Variants in NDUFA8 observed in about 807,000 individuals in gnomAD.
NDUFA8 encodes NADH:ubiquinone oxidoreductase subunit A8.
A neutral mutation model predicts 20.9 loss-of-function variants in NDUFA8; 16 were observed. The observed-to-expected ratio is 0.77, with a 90% CI of 0.52 to 1.16. The LOEUF is 1.16. Ranked by LOEUF, NDUFA8 falls within the 50% of genes most tolerant of loss-of-function variation. The probability of loss-of-function intolerance (pLI) is 0.00; values close to 1 mark genes in which losing one functional copy is unlikely to be tolerated. For synonymous variants in NDUFA8, 70 were observed against 76.1 expected (o/e 0.92, Z 0.41); for missense variants, 202 against 216.4 (o/e 0.93, Z 0.42).
chr9:122,142,033 G>C (rs1032539710), downstream of NDUFA8, among the ~76,000 whole-genome samples: 1 of 152,172 alleles, frequency 6.6e-6, no homozygotes, highest in Non-Finnish European at 1.5e-5. Flanking sequence ...CATTTGGGGA[G>C]TGAACAGTGC....
the NDUFA8 span, among the ~76,000 whole-genome samples, chr9:122,135,502 C>T: frequency 2.0e-5 from 3 of 152,316 alleles, no homozygotes; most frequent in South Asian, 4.1e-4. Flanking sequence ...CTCATGCTTC[C>T]ATTACCAATC....
chr9:122,159,454 G>C (rs372124106), intron 1 of NDUFA8, among the ~76,000 whole-genome samples, 173 bp downstream of exon 1: 4 of 152,234 alleles, frequency 2.6e-5, no homozygotes, highest in Middle Eastern at 3.4e-3. Context: ...GTAGAGAGGG[G>C]AGGCGACTCC....
chr9:122,148,473 T>G (rs939902888), intron 2 of NDUFA8, among the ~76,000 whole-genome samples, 196 bp from the exon 3 acceptor site: 1 of 152,180 alleles, frequency 6.6e-6, no homozygotes, highest in African/African-American at 2.4e-5. Flanking sequence ...AAAAGATTTC[T>G]GAGGTAGAAA....
chr9:122,136,333 A>G, the NDUFA8 span, among the ~76,000 whole-genome samples: 1 of 152,256 alleles, frequency 6.6e-6, no homozygotes, highest in Admixed American at 6.5e-5. Flanking sequence ...TATCAATACA[A>G]CAATTTATAC....
downstream of NDUFA8, among the ~76,000 whole-genome samples, chr9:122,141,141 T>C (rs1051240841): frequency 1.3e-5 from 2 of 152,142 alleles, no homozygotes; most frequent in South Asian, 2.1e-4. Flanking sequence ...TCTTGATGAA[T>C]AGCATGCTGT....
chr9:122,159,462 TC>T (rs1829143186), intron 1 of NDUFA8, among the ~76,000 whole-genome samples, 164 bp downstream of exon 1: 1 of 151,412 alleles, frequency 6.6e-6, no homozygotes, highest in Admixed American at 6.6e-5. Context: ...GGGAGGCGAC[TC>T]CCAAAGCTGC....
intron 3 of NDUFA8, 148 bp from the exon 4 acceptor site, chr9:122,144,526 AT>A: frequency 1.3e-6 from 1 of 797,696 alleles, no homozygotes. Context: ...ATTCAGACGT[AT>A]TTAATCATTG....
At chr9:122,157,152 C>T (rs534246317) in intron 1 of NDUFA8, among the ~76,000 whole-genome samples, 1 of 152,188 alleles carries the variant, frequency 6.6e-6, no homozygotes, top group Non-Finnish European at 1.5e-5. Context: ...ACACTGAACT[C>T]CTTTTTGACT....
chr9:122,159,239 A>G (rs12345130), intron 1 of NDUFA8, among the ~76,000 whole-genome samples: 3,381 of 152,236 alleles, frequency 0.022, 132 homozygotes, highest in African/African-American at 0.077. Flanking sequence ...TTTAAGGTAG[A>G]TGACCGTCTC....
chr9:122,153,584 C>T (rs914972991), intron 1 of NDUFA8, among the ~76,000 whole-genome samples: 2 of 151,540 alleles, frequency 1.3e-5, no homozygotes, highest in Admixed American at 6.6e-5. Flanking sequence ...GAGAGAACTG[C>T]AAACTGTCCA....
intron 2 of NDUFA8, among the ~76,000 whole-genome samples, chr9:122,148,876 T>G (rs1316735700): frequency 6.6e-6 from 1 of 152,226 alleles, no homozygotes; most frequent in Non-Finnish European, 1.5e-5. Context: ...TTATATTTGG[T>G]ATTCTCTGCT....
At chr9:122,156,317 C>T (rs1175177100) in intron 1 of NDUFA8, among the ~76,000 whole-genome samples, 1 of 152,212 alleles carries the variant, frequency 6.6e-6, no homozygotes, top group African/African-American at 2.4e-5. Context: ...GACAAAGTCA[C>T]CATCTAGAGC....
At chr9:122,152,200 C>A (rs759461607) in intron 2 of NDUFA8, 45 bp downstream of exon 2, 7 of 1,610,196 alleles carry the variant, frequency 4.3e-6, no homozygotes, top group Non-Finnish European at 5.9e-6. Flanking sequence ...TTCATTTAAA[C>A]CTTTATGCTT....
At chr9:122,145,360 T>C (rs1828891103) in intron 3 of NDUFA8, among the ~76,000 whole-genome samples, 1 of 152,102 alleles carries the variant, frequency 6.6e-6, no homozygotes. Flanking sequence ...ACTCACAGTA[T>C]CCCCTGATGG....
At chr9:122,157,673 G>T (rs935262692) in intron 1 of NDUFA8, among the ~76,000 whole-genome samples, 1 of 151,986 alleles carries the variant, frequency 6.6e-6, no homozygotes, top group Admixed American at 6.6e-5. Flanking sequence ...GTGGGGGCAG[G>T]GGGGTGGTTC....
At chr9:122,134,552 A>C in the NDUFA8 span, among the ~76,000 whole-genome samples, 1 of 152,196 alleles carries the variant, frequency 6.6e-6, no homozygotes, top group Middle Eastern at 3.2e-3. Flanking sequence ...GGCCTTCTAC[A>C]GGCCTATTTC....
At chr9:122,143,291 C>T (rs528951984), downstream of NDUFA8, among the ~76,000 whole-genome samples, 51 of 152,140 alleles carry the variant, frequency 3.4e-4, no homozygotes, top group African/African-American at 1.1e-3. Flanking sequence ...CGGGGTCATA[C>T]GCAATTTAAA....
chr9:122,155,314 G>A (rs1829061642), intron 1 of NDUFA8, among the ~76,000 whole-genome samples: 1 of 152,204 alleles, frequency 6.6e-6, no homozygotes, highest in African/African-American at 2.4e-5. Flanking sequence ...CCTGACCTCA[G>A]ATGATCCTCC....
intron 3 of NDUFA8, among the ~76,000 whole-genome samples, chr9:122,147,617 A>AT (rs34576446): frequency 0.44 from 46,173 of 105,992 alleles, 11,649 homozygotes; most frequent in Middle Eastern, 0.56. Flanking sequence ...GCCTAAAGAA[A>AT]TTTTTTTTTT....
Sources: gnomAD v4.1 joint callset for allele counts (sites outside exome capture counted in the v4.1 genomes callset) on GRCh38, gnomAD v4.1.1 for gene constraint, MANE v1.5 for transcripts, NCBI Gene and HGNC (gene_info 2026-07-23, HGNC 2026-07-21) for gene names.